PVR: variants seen among roughly 807,000 people sequenced by gnomAD.
The protein encoded by PVR is poliovirus receptor.
In PVR, 39 loss-of-function variants were observed where a neutral mutation model predicts 43.3. The observed-to-expected ratio is 0.90, with a 90% CI of 0.70 to 1.18. The LOEUF (loss-of-function observed/expected upper bound fraction) is 1.18, where lower values mean the gene tolerates loss of function less well. Ranked by LOEUF, PVR falls within the 50% of genes most tolerant of loss-of-function variation. The pLI, the probability that PVR is intolerant of heterozygous loss-of-function variation, is 0.00. For missense variants in PVR, 480 were observed against 549.7 expected (o/e 0.87, Z 1.27); for synonymous variants, 224 against 233.2 (o/e 0.96, Z 0.36).
chr19:44,658,985 C>T, intron 6 of PVR, 85 bp downstream of exon 6: 1 of 1,329,436 alleles, frequency 7.5e-7, no homozygotes, highest in Non-Finnish European at 1.1e-6. Flanking sequence ...ACTGAATCCT[C>T]ACCCCACTGC....
intron 3 of PVR, 48 bp from the exon 4 acceptor site, chr19:44,653,852 C>A (rs1599767080): frequency 1.5e-6 from 2 of 1,318,322 alleles, no homozygotes; most frequent in Non-Finnish European, 2.2e-6. Flanking sequence ...TAGCCCCAGG[C>A]CCCCCAAAGC....
rs1260917394 is a variant in PVR at position 44,664,908 on chromosome 19, TG to T, written c.*3099del. The T allele has an allele frequency of 6.6e-6, 1 of 151,922 alleles. No homozygotes were observed. Among genetic ancestry groups the T allele is most frequent in the East Asian group, 1.9e-4 (1 of 5,168 alleles). 9.4% of individuals were successfully genotyped at this position (151,922 alleles called of 1,614,324 possible). ...TGAGTGTAGGACACACTCCTGGAGG[TG>T]GAATTGCTGGGCCAAAGAGTATGTT... On this transcript the variant is annotated 3_prime_UTR_variant, in exon 8 of 8. Coordinates refer to ENST00000425690, the MANE Select transcript of PVR (RefSeq NM_006505.5).
At position 44,644,016 on chromosome 19, in the gene PVR, C is replaced by G; in HGVS notation, c.-81C>G. ...GGACCTGAGCTCCGGGAGCTGGACTCGCAGCGACCGCGGCAGAGCGAGCGG... is the reference window on the plus strand; with the variant it reads ...GGACCTGAGCTCCGGGAGCTGGACTGGCAGCGACCGCGGCAGAGCGAGCGG... On this transcript the variant is annotated 5_prime_UTR_variant, in exon 1 of 8. Transcript: ENST00000425690. 6 of 1,247,018 alleles carry G rather than the reference C, an allele frequency of 4.8e-6. No individual in the cohort carries two copies. Among genetic ancestry groups the G allele is most frequent in the Non-Finnish European group, 6.5e-6 (6 of 923,402 alleles). The allele number at this position is 1,247,018 out of a possible 1,614,324, so 77.2% of individuals were successfully genotyped here. A position where few individuals can be genotyped will look rare whatever the true frequency, so the allele number is the denominator to read the frequency against.
Position 44,665,651 on chromosome 19 carries a change from A to T in PVR, c.*3840A>T, listed in dbSNP as rs1973697038. Reference sequence around the variant, plus strand: ...CTCTGTCTCCAAAAAAAAAAAAAAAAAAAAAAAAACTGGATTGCCTGGCTC... The same window carrying T: ...CTCTGTCTCCAAAAAAAAAAAAAAATAAAAAAAAACTGGATTGCCTGGCTC... On this transcript the variant is annotated 3_prime_UTR_variant, in exon 8 of 8. Coordinates refer to ENST00000425690, the MANE Select transcript of PVR (RefSeq NM_006505.5). 1 of 160,236 alleles carries T rather than the reference A, an allele frequency of 6.2e-6. No homozygotes were observed. 9.9% of individuals were successfully genotyped at this position (160,236 alleles called of 1,614,324 possible).
intron 2 of PVR, among the ~76,000 whole-genome samples, chr19:44,647,986 G>A (rs1008312015): frequency 3.3e-5 from 5 of 152,122 alleles, no homozygotes; most frequent in African/African-American, 1.2e-4. Flanking sequence ...TGTCATCACT[G>A]CCTAGGAAAG....
rs1326599834 is a variant in PVR, at chr19:44,644,107, C to T, written c.11C>T (p.Ala4Val). The T allele has an allele frequency of 2.6e-6, 4 of 1,517,704 alleles. No homozygotes were observed. Among genetic ancestry groups the T allele is most frequent in the East Asian group, 2.7e-5 (1 of 37,722 alleles). 94.0% of individuals were successfully genotyped at this position (1,517,704 alleles called of 1,614,324 possible). A position where few individuals can be genotyped will look rare whatever the true frequency, so the allele number is the denominator to read the frequency against. Residue 4 changes from alanine to valine, a missense_variant, in exon 1 of 8, where the codon GCC (alanine) becomes GTC (valine). Physicochemically the swap from Ala to Val is moderately conservative, Grantham distance 64. Coordinates refer to ENST00000425690, the MANE Select transcript of PVR (RefSeq NM_006505.5). Reference protein sequence around the residue: MARAMAAAWPLLLV... With the variant: MARVMAAAWPLLLV... Reference sequence around the variant, plus strand: ...CTCGGAGCAACTGGCATGGCCCGAGCCATGGCCGCCGCGTGGCCGCTGCTG... The same window carrying T: ...CTCGGAGCAACTGGCATGGCCCGAGTCATGGCCGCCGCGTGGCCGCTGCTG...
chr19:44,657,721 C>A, intron 4 of PVR, 41 bp from the exon 5 acceptor site: 1 of 1,609,908 alleles, frequency 6.2e-7, no homozygotes, highest in Non-Finnish European at 8.5e-7. Context: ...CACTCCGGAC[C>A]TGCAGCAGAG....
At chr19:44,657,510 C>T (rs1232872094) in intron 4 of PVR, among the ~76,000 whole-genome samples, 2 of 152,142 alleles carry the variant, frequency 1.3e-5, no homozygotes, top group Non-Finnish European at 2.9e-5. Flanking sequence ...TGCACAGCGC[C>T]AGAGCAGGGA....
At chr19:44,645,443 A>ATAT (rs1412998383) in intron 1 of PVR, among the ~76,000 whole-genome samples, 1 of 115,624 alleles carries the variant, frequency 8.6e-6, no homozygotes, top group Non-Finnish European at 1.7e-5. Context: ...ATATATATAT[A>ATAT]TAGTGCGTGT....
Position 44,647,332 on chromosome 19 carries a change from G to A in PVR, c.189G>A (p.Gln63=), listed in dbSNP as rs556561464. The change falls in exon 2 of 8, where the codon CAG becomes CAA. Residue 63 remains glutamine, a synonymous_variant. Coordinates refer to ENST00000425690, the MANE Select transcript of PVR (RefSeq NM_006505.5). The part of the protein sequence containing the change: ...VPNMEVTHVS[Q]LTWARHGESG... ...ACATGGAGGTGACGCATGTGTCACA[G>A]CTGACTTGGGCGCGGCATGGTGAAT... The A allele has an allele frequency of 9.3e-6, 15 of 1,612,722 alleles. No homozygotes were observed. In the East Asian group the frequency reaches 2.9e-4, roughly 31 times the overall value.
At chr19:44,645,872 G>A (rs528181151) in intron 1 of PVR, among the ~76,000 whole-genome samples, 1 of 151,976 alleles carries the variant, frequency 6.6e-6, no homozygotes, top group African/African-American at 2.4e-5. Context: ...GTCAATAAGC[G>A]CTGTCACATT....
rs758061737 is a variant in PVR, at chr19:44,657,767, TG to T, written c.851del (p.Gly284ValfsTer15). 5 of 1,613,984 alleles carry T rather than the reference TG, an allele frequency of 3.1e-6. No homozygotes were observed. The highest frequency in any genetic ancestry group is 3.4e-6 in the Non-Finnish European group (4 of 1,179,990). On this transcript the variant is annotated frameshift_variant, in exon 5 of 8. Coordinates refer to ENST00000425690, the MANE Select transcript of PVR (RefSeq NM_006505.5). LOFTEE classifies it high-confidence loss of function. ...EPTGYNWSTT[M>X]GPLPPFAVAQ... ...CACCTTTCTGTCTCTCCCAGGACCA[TG>T]GGTCCCCTGCCACCCTTTGCTGTGG...
chr19:44,649,118 C>G (rs1973208689), intron 2 of PVR, among the ~76,000 whole-genome samples: 1 of 152,144 alleles, frequency 6.6e-6, no homozygotes, highest in Admixed American at 6.6e-5. Flanking sequence ...TTGGGTTTCC[C>G]CTTTCCAGCC....
intron 3 of PVR, 172 bp from the exon 4 acceptor site, chr19:44,653,728 T>C (rs2123759529): frequency 1.7e-6 from 1 of 595,486 alleles, no homozygotes; most frequent in Non-Finnish European, 3.1e-6. Flanking sequence ...CAAGGACTCC[T>C]AGGCTTCTGC....
rs1018074660 is a variant in PVR at position 44,644,205 on chromosome 19, CCT to C, written c.79+31_79+32del. On this transcript the variant is annotated intron_variant, in intron 1 of 7. Transcript: ENST00000425690. ...GTGACCCCCGCGCAGTCCGGTGGCC[CCT>C]GTCTGGCTCCCAGCTCCGCATCCAG... 3.4e-5 allele frequency: 49 copies of C among 1,457,684 alleles called. No homozygotes were observed. In the African/African-American group the frequency reaches 6.8e-4, roughly 20 times the overall value. 90.3% of individuals were successfully genotyped at this position (1,457,684 alleles called of 1,614,324 possible). A position where few individuals can be genotyped will look rare whatever the true frequency, so the allele number is the denominator to read the frequency against.
chr19:44,653,256 C>T (rs890180777), intron 3 of PVR, among the ~76,000 whole-genome samples: 1 of 152,184 alleles, frequency 6.6e-6, no homozygotes, highest in Non-Finnish European at 1.5e-5. Context: ...ACAAGCTCTT[C>T]TAGACATCAT....
chr19:44,657,657 A>G, intron 4 of PVR, 105 bp from the exon 5 acceptor site: 3 of 1,188,318 alleles, frequency 2.5e-6, no homozygotes, highest in Non-Finnish European at 3.6e-6. Context: ...CTCTCCGCTT[A>G]TGCTATAGAG....
intron 3 of PVR, among the ~76,000 whole-genome samples, chr19:44,651,147 C>T (rs1043588212): frequency 2.0e-5 from 3 of 152,282 alleles, no homozygotes; most frequent in East Asian, 1.9e-4. Context: ...AGATTACAGG[C>T]GTGAGCCACT....
At position 44,649,958 on chromosome 19, in the gene PVR, C is replaced by G. The variant is rs78783438; in HGVS notation, c.577C>G (p.Pro193Ala). The change falls in exon 3 of 8, where the codon CCA becomes GCA. Residue 193 changes from proline (P) to alanine (A), a missense_variant. Transcript: ENST00000425690. ...LGGMPNTSQV[P>A]GFLSGTVTVT... ...CGGGATGCCCAATACGAGCCAGGTG[C>G]CAGGGTTCCTGTCTGGCACAGTCAC... 1.4e-3 allele frequency: 2,243 copies of G among 1,609,064 alleles called. 31 individuals are homozygous for G. The African/African-American group carries it at 0.026, about 18-fold the overall frequency.
Sources: allele counts gnomAD v4.1 joint callset (sites outside exome capture counted in the v4.1 genomes callset), GRCh38; gene constraint gnomAD v4.1.1; transcripts MANE v1.5; gene names NCBI Gene and HGNC (gene_info 2026-07-23, HGNC 2026-07-21).